Variants in EPHA6 observed in about 807,000 individuals in gnomAD.
EPHA6 encodes ephrin type-A receptor 6.
In EPHA6, 50 loss-of-function variants were observed where a neutral mutation model predicts 112.0. That is an observed-to-expected ratio of 0.45 (90% CI 0.36 to 0.56). The LOEUF (loss-of-function observed/expected upper bound fraction) is 0.56. Among genes scored for constraint, EPHA6 ranks in the 20% least tolerant of loss-of-function variants. EPHA6 has a pLI of 0.00. For synonymous variants in EPHA6, 529 were observed against 490.7 expected, an observed-to-expected ratio of 1.08 and a Z score of -1.03; for missense variants, 1,280 against 1,417.4, an observed-to-expected ratio of 0.90 and a Z score of 1.56.
At chr3:97,311,472 A>G (rs1361755502) in intron 5 of EPHA6, among the ~76,000 whole-genome samples, 1 of 149,562 alleles carries the variant, frequency 6.7e-6, no homozygotes, top group Non-Finnish European at 1.5e-5. Context: ...ACACACACAC[A>G]CACGTTTGCT....
chr3:97,221,168 A>T (rs2078183410), intron 3 of EPHA6, among the ~76,000 whole-genome samples: 1 of 151,788 alleles, frequency 6.6e-6, no homozygotes, highest in African/African-American at 2.4e-5. Flanking sequence ...CAGAAATTAG[A>T]TGGGCATGGT....
At chr3:97,049,442 TG>T (rs1270205233) in intron 3 of EPHA6, among the ~76,000 whole-genome samples, 1 of 152,186 alleles carries the variant, frequency 6.6e-6, no homozygotes, top group Non-Finnish European at 1.5e-5. Context: ...AACAGATTTG[TG>T]GTAAAGATAA....
At chr3:96,892,952 A>ATGTGTG (rs755651627) in intron 2 of EPHA6, among the ~76,000 whole-genome samples, 36 of 140,874 alleles carry the variant, frequency 2.6e-4, no homozygotes, top group African/African-American at 9.9e-4. Context: ...ATATATATAT[A>ATGTGTG]TATGTGTGTG....
intron 3 of EPHA6, among the ~76,000 whole-genome samples, chr3:97,217,910 G>A (rs2078076750): frequency 6.6e-6 from 1 of 152,124 alleles, no homozygotes; most frequent in South Asian, 2.1e-4. Flanking sequence ...AAAAGCCATA[G>A]AGTATGTACT....
intron 2 of EPHA6, among the ~76,000 whole-genome samples, chr3:96,950,942 T>C (rs2041504560): frequency 6.6e-6 from 1 of 152,108 alleles, no homozygotes; most frequent in African/African-American, 2.4e-5. Flanking sequence ...AACCCAGCTT[T>C]TTCTTTTATT....
At chr3:97,701,202 G>A (rs1482159004) in intron 14 of EPHA6, among the ~76,000 whole-genome samples, 1 of 152,160 alleles carries the variant, frequency 6.6e-6, no homozygotes, top group African/African-American at 2.4e-5. Flanking sequence ...CCATATATGA[G>A]AAATGGACAG....
chr3:97,458,674 A>G (rs560257910), intron 7 of EPHA6, among the ~76,000 whole-genome samples: 2 of 152,242 alleles, frequency 1.3e-5, no homozygotes, highest in East Asian at 3.9e-4. Flanking sequence ...ATAAGTTGTT[A>G]CCCTTGGAAG....
At chr3:97,407,138 G>C (rs1416592769) in intron 6 of EPHA6, among the ~76,000 whole-genome samples, 1 of 151,952 alleles carries the variant, frequency 6.6e-6, no homozygotes, top group African/African-American at 2.4e-5. Flanking sequence ...AGATGTAATA[G>C]AAAGAGAACC....
At chr3:97,747,856 T>C (rs995881885) in intron 17 of EPHA6, among the ~76,000 whole-genome samples, 2 of 152,090 alleles carry the variant, frequency 1.3e-5, no homozygotes, top group African/African-American at 4.8e-5. Flanking sequence ...TAATTTTACC[T>C]TGGCAAATTA....
At chr3:97,362,161 T>C (rs1257508237) in intron 5 of EPHA6, among the ~76,000 whole-genome samples, 1 of 152,142 alleles carries the variant, frequency 6.6e-6, no homozygotes, top group Non-Finnish European at 1.5e-5. Flanking sequence ...CAATGTGGAA[T>C]GAGAGTGAGT....
intron 14 of EPHA6, among the ~76,000 whole-genome samples, chr3:97,661,795 G>A (rs191454531): frequency 2.0e-4 from 30 of 152,122 alleles, no homozygotes; most frequent in Non-Finnish European, 3.7e-4. Flanking sequence ...TATCTCTTTG[G>A]TGCTTACACA....
At chr3:97,570,072 T>C (rs2093317048) in intron 11 of EPHA6, 1 of 152,236 alleles carries the variant, frequency 6.6e-6, no homozygotes, top group African/African-American at 2.4e-5. Flanking sequence ...TTTAATTTTA[T>C]TGCCCTAAGA....
At chr3:97,075,367 T>G (rs368537439) in intron 3 of EPHA6, among the ~76,000 whole-genome samples, 24 of 152,074 alleles carry the variant, frequency 1.6e-4, no homozygotes, top group African/African-American at 5.5e-4. Flanking sequence ...GTGTTTAAAC[T>G]TTGACTTTTG....
At chr3:97,119,869 A>G (rs2047994184) in intron 3 of EPHA6, among the ~76,000 whole-genome samples, 1 of 152,040 alleles carries the variant, frequency 6.6e-6, no homozygotes, top group South Asian at 2.1e-4. Context: ...ATTCATATGT[A>G]CTATGTAATT....
At chr3:96,882,281 T>C (rs2037359087) in intron 2 of EPHA6, among the ~76,000 whole-genome samples, 1 of 152,354 alleles carries the variant, frequency 6.6e-6, no homozygotes, top group African/African-American at 2.4e-5. Context: ...AACTTCTGCC[T>C]GGACATCCAG....
At chr3:97,222,701 A>C (rs2078243364) in intron 3 of EPHA6, among the ~76,000 whole-genome samples, 1 of 152,252 alleles carries the variant, frequency 6.6e-6, no homozygotes, top group African/African-American at 2.4e-5. Context: ...TGCATTAAGT[A>C]GATATGCATA....
In EPHA6 at chr3:97,341,701, T is replaced by C. The variant is rs139508993; in HGVS notation, c.1607-63449T>C. ...CATTAGATCATATATATAAAATTCA[T>C]TCTTTATAATTCAATGTTTTACATA... On this transcript the variant is annotated intron_variant, in intron 5 of 17. Coordinates refer to ENST00000389672, the MANE Select transcript of EPHA6 (RefSeq NM_001080448.3). Among the ~76,000 whole-genome samples the C allele has an allele frequency of 3.9e-5, 6 of 152,284 alleles. No homozygotes were observed. The East Asian group carries it at 1.2e-3, about 29-fold the overall frequency.
At chr3:97,573,355 G>T (rs1372962243) in intron 11 of EPHA6, among the ~76,000 whole-genome samples, 1 of 152,080 alleles carries the variant, frequency 6.6e-6, no homozygotes, top group Non-Finnish European at 1.5e-5. Flanking sequence ...GTCGAGTAAA[G>T]GTGGTGACCT....
chr3:97,367,703 C>CATATTT (rs2084817540), intron 5 of EPHA6, among the ~76,000 whole-genome samples: 1 of 151,850 alleles, frequency 6.6e-6, no homozygotes, highest in Admixed American at 6.6e-5. Flanking sequence ...TATACTATTT[C>CATATTT]ATATTTGTAA....
Sources: gnomAD v4.1 joint callset for allele counts (sites outside exome capture counted in the v4.1 genomes callset) on GRCh38, gnomAD v4.1.1 for gene constraint, MANE v1.5 for transcripts, NCBI Gene and HGNC (gene_info 2026-07-23, HGNC 2026-07-21) for gene names.